Variants in NAAA observed in about 807,000 individuals in gnomAD.
NAAA encodes the protein N-acylethanolamine-hydrolyzing acid amidase.
Under a neutral mutation model 44.8 loss-of-function variants are expected in NAAA, and 39 were observed. That is an observed-to-expected ratio of 0.87 (90% CI 0.67 to 1.14). The LOEUF (loss-of-function observed/expected upper bound fraction) is 1.14. Ranked by LOEUF, NAAA falls within the 50% of genes most tolerant of loss-of-function variation. NAAA has a pLI of 0.00. For missense variants in NAAA, 460 were observed against 467.8 expected, an observed-to-expected ratio of 0.98 and a Z score of 0.15; for synonymous variants, 178 against 191.3, an observed-to-expected ratio of 0.93 and a Z score of 0.58.
intron 9 of NAAA, chr4:75,917,855 C>A: frequency 2.9e-6 from 1 of 339,864 alleles, no homozygotes; most frequent in Non-Finnish European, 5.8e-6. Flanking sequence ...AACCATTGCT[C>A]ACAGAATGCT....
At chr4:75,913,598 G>C (rs1222485418), downstream of NAAA, 2 of 822,426 alleles carry the variant, frequency 2.4e-6, no homozygotes, top group East Asian at 2.5e-4. Flanking sequence ...GCTTTCTCAG[G>C]ACAGCAGTTC....
rs1359599881 is a variant in NAAA, at chr4:75,914,201, TCTC to T, written c.*171_*173del. 2 of 985,556 alleles carry T rather than the reference TCTC, an allele frequency of 2.0e-6. No individual in the cohort carries two copies. Among genetic ancestry groups the T allele is most frequent in the Non-Finnish European group, 2.4e-6 (2 of 829,936 alleles). The allele number at this position is 985,556 out of a possible 1,614,324, so 61.1% of individuals were successfully genotyped here. A position where few individuals can be genotyped will look rare whatever the true frequency, so the allele number is the denominator to read the frequency against. Reference sequence around the variant, plus strand: ...TACTGGCTTTACCACAAACTCCAAATCTCCTGGACCCACTTCGCAAGGTTGTAA... The same window carrying T: ...TACTGGCTTTACCACAAACTCCAAATCTGGACCCACTTCGCAAGGTTGTAA... On this transcript the variant is annotated 3_prime_UTR_variant, in exon 11 of 11. Transcript: ENST00000286733.
At chr4:75,931,333 T>A in intron 3 of NAAA, 29 bp from the exon 4 acceptor site, 1 of 1,534,420 alleles carries the variant, frequency 6.5e-7, no homozygotes, top group East Asian at 2.3e-5. Flanking sequence ...ATGGATCATT[T>A]CACCATTCCA....
In NAAA at chr4:75,940,776, G is replaced by C. The variant is rs1374139327; in HGVS notation, c.174C>G (p.Asp58Glu). 1 of 1,598,850 alleles carries C rather than the reference G, an allele frequency of 6.3e-7. No individual in the cohort carries two copies. The highest frequency in any genetic ancestry group is 1.1e-5 in the South Asian group (1 of 90,524). Residue 58 changes from aspartate (D) to glutamate (E), a missense_variant, in exon 1 of 11, where the codon GAC becomes GAG. By Grantham distance (45) the Asp-to-Glu change is conservative (BLOSUM62 2). Coordinates refer to ENST00000286733, the MANE Select transcript of NAAA (RefSeq NM_014435.4). Reference sequence around the variant, plus strand: ...CTTGCGCCATCGCGGCGCGCACCAAGTCCAAGTCGTAGTGCCGCAGCACGG... The same window carrying C: ...CTTGCGCCATCGCGGCGCGCACCAACTCCAAGTCGTAGTGCCGCAGCACGG... ...WLPVLRHYDL[D>E]LVRAAMAQVI...
At chr4:75,927,892 A>C (rs978214631) in intron 4 of NAAA, among the ~76,000 whole-genome samples, 4 of 152,204 alleles carry the variant, frequency 2.6e-5, no homozygotes, top group Non-Finnish European at 5.9e-5. Context: ...ATCATTAATC[A>C]TTAAGAGAAA....
intron 1 of NAAA, 77 bp downstream of exon 1, chr4:75,940,667 C>T: frequency 7.0e-7 from 1 of 1,436,278 alleles, no homozygotes; most frequent in African/African-American, 1.4e-5. Flanking sequence ...CCGTTTAAAG[C>T]ACTCTGAGCA....
chr4:75,940,920 C>A lies in NAAA; in HGVS notation c.30G>T (p.Pro10=). 1.3e-6 allele frequency: 2 copies of A among 1,505,124 alleles called. No homozygotes were observed. The highest frequency in any genetic ancestry group is 1.8e-6 in the Non-Finnish European group (2 of 1,135,566). 93.2% of individuals were successfully genotyped at this position (1,505,124 alleles called of 1,614,324 possible). A position where few individuals can be genotyped will look rare whatever the true frequency, so the allele number is the denominator to read the frequency against. ...GCAGCAGCAGCAGGGACGGAAGCCC[C>A]GGGCGCGCCTCCCGGTCCGCGGTCC... MRTADREAR[P]GLPSLLLLLL... The change falls in exon 1 of 11, where the codon CCG becomes CCT. Residue 10 remains proline (P), a synonymous_variant. Coordinates refer to ENST00000286733, the MANE Select transcript of NAAA (RefSeq NM_014435.4).
chr4:75,914,624 C>T (rs1477573827), intron 10 of NAAA, among the ~76,000 whole-genome samples: 1 of 152,102 alleles, frequency 6.6e-6, no homozygotes, highest in Non-Finnish European at 1.5e-5. Flanking sequence ...AGTGATCTGC[C>T]TGCCTCTGCC....
Position 75,914,917 on chromosome 4 carries a change from G to A in NAAA, c.1067C>T (p.Pro356Leu), listed in dbSNP as rs769729660. 8.7e-6 allele frequency: 14 copies of A among 1,613,914 alleles called. No homozygotes were observed. The highest frequency in any genetic ancestry group is 2.2e-5 in the East Asian group (1 of 44,878). ...TCTTCTGCTGACTTACTTTCTACTC[G>A]GGTTTCTGATCCTAGTCATGTACTT... The part of the protein sequence containing the change: ...PDKYMTRIRN[P>L]SRK Residue 356 changes from proline to leucine, a missense_variant, in exon 10 of 11, where the codon CCG (proline) becomes CTG (leucine). Transcript: ENST00000286733.
At chr4:75,940,700 C>T (rs770283605) in intron 1 of NAAA, 44 bp downstream of exon 1, 2 of 1,563,750 alleles carry the variant, frequency 1.3e-6, no homozygotes, top group Non-Finnish European at 1.7e-6. Context: ...CTCCGACCCG[C>T]AGGGCCGGTG....
Position 75,940,131 on chromosome 4 carries a change from C to T in NAAA, c.241G>A (p.Gly81Arg). ...CGCTCCAGCTCCAGGACCACTTTTC[C>T]GATTAACACGTGCACCCACTTGGGG... ...RVPKWVHVLI[G>R]KVVLELERFL... is the part of the protein sequence containing the mutation. Residue 81 changes from glycine (G) to arginine (R), a missense_variant, in exon 2 of 11, where the codon GGA (glycine) becomes AGA (arginine). Coordinates refer to ENST00000286733, the MANE Select transcript of NAAA (RefSeq NM_014435.4). The T allele has an allele frequency of 6.2e-7, 1 of 1,614,102 alleles. No homozygotes were observed. The highest frequency in any genetic ancestry group is 1.1e-5 in the South Asian group (1 of 91,082).
chr4:75,939,133 G>T (rs1372357211), intron 2 of NAAA, among the ~76,000 whole-genome samples: 1 of 152,172 alleles, frequency 6.6e-6, no homozygotes, highest in Non-Finnish European at 1.5e-5. Flanking sequence ...GATTACAGGC[G>T]TGAGCCACCG....
chr4:75,920,616 G>T, intron 7 of NAAA, 122 bp downstream of exon 7: 1 of 1,212,884 alleles, frequency 8.2e-7, no homozygotes, highest in Non-Finnish European at 1.2e-6. Context: ...TGGCGAAGGG[G>T]CTCAGGTACA....
At chr4:75,939,875 T>C (rs1728075673) in intron 2 of NAAA, 126 bp downstream of exon 2, 4 of 1,082,434 alleles carry the variant, frequency 3.7e-6, no homozygotes, top group Non-Finnish European at 5.4e-6. Flanking sequence ...GAGGAAGCGC[T>C]GGAGGTTTCT....
In NAAA at chr4:75,923,267, T is replaced by C. The variant is rs915954911; in HGVS notation, c.667-2144A>G. Among the ~76,000 whole-genome samples the C allele has an allele frequency of 9.9e-5, 15 of 152,022 alleles. No homozygotes were observed. The Admixed American group carries it at 9.9e-4, about 10-fold the overall frequency. On this transcript the variant is annotated intron_variant, in intron 5 of 10. Coordinates refer to ENST00000286733, the MANE Select transcript of NAAA (RefSeq NM_014435.4). Reference sequence around the variant, plus strand: ...CATATGGATTTTTTTTCTTTCCTTATCAAATCAAGAACTTTCACCTTTTTG... The same window carrying C: ...CATATGGATTTTTTTTCTTTCCTTACCAAATCAAGAACTTTCACCTTTTTG...
At chr4:75,911,438 G>T, downstream of NAAA, 1 of 468,018 alleles carries the variant, frequency 2.1e-6, no homozygotes. Context: ...GAGCATGGAT[G>T]TTATTACTCA....
intron 3 of NAAA, chr4:75,935,570 C>T (rs1727632563): frequency 6.5e-6 from 1 of 152,872 alleles, no homozygotes; most frequent in Non-Finnish European, 1.5e-5. Context: ...TATTATTTGG[C>T]TACAACTTTA....
chr4:75,915,063 T>A, intron 9 of NAAA, 78 bp from the exon 10 acceptor site: 1 of 1,052,686 alleles, frequency 9.5e-7, no homozygotes, highest in Non-Finnish European at 1.5e-6. Flanking sequence ...ACCAAGTGCT[T>A]CCCTAACACT....
intron 5 of NAAA, among the ~76,000 whole-genome samples, chr4:75,924,566 G>C (rs1285436422): frequency 5.9e-5 from 9 of 152,230 alleles, no homozygotes; most frequent in Non-Finnish European, 1.3e-4. Context: ...TTGTAGAGCA[G>C]ATGTTCCTTT....
Sources: gnomAD v4.1 joint callset for allele counts (sites outside exome capture counted in the v4.1 genomes callset) on GRCh38, gnomAD v4.1.1 for gene constraint, MANE v1.5 for transcripts, NCBI Gene and HGNC (gene_info 2026-07-23, HGNC 2026-07-21) for gene names.